The following TG variants were observed in gnomAD, a reference collection of about 807,000 sequenced individuals.
TG encodes thyroglobulin, also known as thyroid hormones.
In TG, 270 loss-of-function variants were observed where a neutral mutation model predicts 324.7. That is an observed-to-expected ratio of 0.83 (90% CI 0.75 to 0.92). The LOEUF (loss-of-function observed/expected upper bound fraction) is 0.92. Among genes scored for constraint, TG ranks in the 40% least tolerant of loss-of-function variants. The pLI is 0.00. For missense variants in TG, 3,591 were observed against 3,456.4 expected, an observed-to-expected ratio of 1.04 and a Z score of -0.98; for synonymous variants, 1,401 against 1,327.0, an observed-to-expected ratio of 1.06 and a Z score of -1.21.
intron 46 of TG, 126 bp from the exon 47 acceptor site, chr8:133,133,344 G>A (rs1173836167): frequency 2.0e-6 from 2 of 983,654 alleles, no homozygotes; most frequent in African/African-American, 1.6e-5. Flanking sequence ...GAGTTCACAT[G>A]CAGCCTTGAC....
intron 20 of TG, among the ~76,000 whole-genome samples, chr8:132,914,230 C>T (rs934287311): frequency 4.6e-5 from 7 of 152,306 alleles, no homozygotes; most frequent in African/African-American, 1.7e-4. Context: ...ATATGGATAT[C>T]TTTGGGGGGA....
At chr8:133,050,301 G>A (rs1840161769) in intron 41 of TG, 2 of 403,502 alleles carry the variant, frequency 5.0e-6, no homozygotes, top group African/African-American at 4.0e-5. Context: ...TTACTATGTT[G>A]ATTTATGCTC....
At chr8:133,118,220 A>G (rs1850854066) in intron 45 of TG, among the ~76,000 whole-genome samples, 1 of 151,500 alleles carries the variant, frequency 6.6e-6, no homozygotes, top group African/African-American at 2.4e-5. Flanking sequence ...TTCCCCAATA[A>G]TGCTCTCCAG....
chr8:133,117,406 A>T, intron 45 of TG, among the ~76,000 whole-genome samples: 1 of 152,364 alleles, frequency 6.6e-6, no homozygotes, highest in Non-Finnish European at 1.5e-5. Flanking sequence ...GAGTGAAAGA[A>T]CAATGCAAAG....
intron 33 of TG, chr8:132,972,302 T>C (rs1160152485): frequency 3.6e-5 from 18 of 502,506 alleles, no homozygotes; most frequent in Non-Finnish European, 5.4e-5. Flanking sequence ...CAAAGCTACC[T>C]TCCTCGTAAG....
chr8:132,979,901 C>A (rs1041924567), intron 34 of TG, among the ~76,000 whole-genome samples: 1 of 152,168 alleles, frequency 6.6e-6, no homozygotes, highest in African/African-American at 2.4e-5. Context: ...ATACCAATCA[C>A]AAGCCCTGAG....
intron 41 of TG, chr8:133,045,136 G>A: frequency 1.2e-6 from 2 of 1,613,608 alleles, no homozygotes; most frequent in Non-Finnish European, 1.7e-6. Context: ...TGGAGGATAA[G>A]TCAGTGGGCT....
At chr8:132,896,478 G>T (rs538643541) in intron 11 of TG, among the ~76,000 whole-genome samples, 1 of 152,202 alleles carries the variant, frequency 6.6e-6, no homozygotes, top group East Asian at 1.9e-4. Flanking sequence ...ACTGCCAATG[G>T]TGCTGCCACA....
In TG at chr8:132,913,070, C is replaced by T; in HGVS notation, c.4183C>T (p.Leu1395Phe). 6.2e-7 allele frequency: 1 copy of T among 1,614,184 alleles called. No homozygotes were observed. ...AGAGAGAGCCTTGGTGGGCAAGGAT[C>T]TCCTTGGGCGCTTCACAGATCTGAT... Reference protein sequence around the residue: ...DIERALVGKDLLGRFTDLIQS... With the variant: ...DIERALVGKDFLGRFTDLIQS... Residue 1395 changes from leucine (L) to phenylalanine (F), a missense_variant, in exon 20 of 48, where the codon CTC (leucine) becomes TTC (phenylalanine). Physicochemically the swap from Leu to Phe is conservative, Grantham distance 22 (BLOSUM62 0). Transcript: ENST00000220616.
chr8:133,030,595 G>A (rs1023589713), intron 41 of TG, among the ~76,000 whole-genome samples: 2 of 152,218 alleles, frequency 1.3e-5, no homozygotes, highest in African/African-American at 4.8e-5. Context: ...TGCCAGATAT[G>A]CTGTGCAAGA....
At chr8:132,942,655 CT>C (rs1384284751) in intron 26 of TG, among the ~76,000 whole-genome samples, 2 of 152,180 alleles carry the variant, frequency 1.3e-5, no homozygotes. Context: ...TTATTCATCG[CT>C]GCTGGCGTTC....
At chr8:133,066,985 G>A (rs1011900136) in intron 41 of TG, among the ~76,000 whole-genome samples, 1 of 152,156 alleles carries the variant, frequency 6.6e-6, no homozygotes, top group African/African-American at 2.4e-5. Context: ...GTTGGTCATG[G>A]CTCTTTTGCC....
At position 132,888,131 on chromosome 8, in the gene TG, A is replaced by G. The variant is rs1412654193; in HGVS notation, c.2324A>G (p.Asn775Ser). The change falls in exon 10 of 48, where the codon AAT (asparagine) becomes AGT (serine). Residue 775 changes from asparagine to serine, a missense_variant. Coordinates refer to ENST00000220616, the MANE Select transcript of TG (RefSeq NM_003235.5). Reference protein sequence around the residue: ...TDGQWRQVQCNGPPEQVFELY... With the variant: ...TDGQWRQVQCSGPPEQVFELY... ...GGGCAGTGGAGACAAGTGCAATGCA[A>G]TGGGCCTCCTGAGCAGGTCTTCGAG... is the stretch of plus-strand genomic sequence containing the variant. The G allele has an allele frequency of 4.3e-6, 7 of 1,614,016 alleles. No homozygotes were observed. The highest frequency in any genetic ancestry group is 2.7e-5 in the African/African-American group (2 of 74,922).
intron 14 of TG, 44 bp from the exon 15 acceptor site, chr8:132,900,193 G>A (rs369906330): frequency 1.3e-6 from 2 of 1,575,696 alleles, no homozygotes; most frequent in Non-Finnish European, 1.7e-6. Flanking sequence ...GGCCACTAGA[G>A]CATCTTGCCC....
At chr8:133,014,948 C>T (rs755099624) in intron 37 of TG, among the ~76,000 whole-genome samples, 2 of 152,144 alleles carry the variant, frequency 1.3e-5, no homozygotes, top group Non-Finnish European at 2.9e-5. Context: ...TGCAGTTGCA[C>T]AATCTCGGGT....
chr8:132,882,703 C>A, intron 7 of TG, 91 bp downstream of exon 7: 1 of 1,612,022 alleles, frequency 6.2e-7, no homozygotes, highest in South Asian at 1.1e-5. Context: ...GGCTGCTCCA[C>A]CAAAGTGAGG....
chr8:133,133,397 T>C lies in TG; in HGVS notation c.7998-73T>C. The C allele has an allele frequency of 2.1e-6, 3 of 1,438,910 alleles. No individual in the cohort carries two copies. The Admixed American group carries it at 5.0e-5, about 24-fold the overall frequency. 89.1% of individuals were successfully genotyped at this position (1,438,910 alleles called of 1,614,324 possible). On this transcript the variant is annotated intron_variant, in intron 46 of 47. Transcript: ENST00000220616. ...TTGTCCCTCAGATACCGAGTGCAAG[T>C]GGGAAGTGATTCAGGTGATGAAAGG...
At chr8:133,102,646 G>T (rs1849413291) in intron 43 of TG, 2 of 1,339,296 alleles carry the variant, frequency 1.5e-6, no homozygotes, top group South Asian at 1.3e-5. Flanking sequence ...TTCTTCATCA[G>T]TCGCTGTCAT....
rs1239962966 is a variant in TG, at chr8:132,898,853, G to A, written c.3273G>A (p.Gln1091=). 3 of 1,614,208 alleles carry A rather than the reference G, an allele frequency of 1.9e-6. No individual in the cohort carries two copies. Among genetic ancestry groups the A allele is most frequent in the African/African-American group, 2.7e-5 (2 of 75,048 alleles). Residue 1091 remains glutamine (Q), a synonymous_variant, in exon 14 of 48, where the codon CAG becomes CAA. Transcript: ENST00000220616. ...GTGGGCTGCTTTCCAGTTGGAAACA[G>A]GCTAGATCCCAAGAAAACCCATCTC... ...RTSGLLSSWK[Q]ARSQENPSPK... is the part of the protein sequence containing the mutation.
Sources: gnomAD v4.1 joint callset for allele counts (sites outside exome capture counted in the v4.1 genomes callset) on GRCh38, gnomAD v4.1.1 for gene constraint, MANE v1.5 for transcripts, NCBI Gene and HGNC (gene_info 2026-07-23, HGNC 2026-07-21) for gene names.